Variants in SDHC observed in about 807,000 individuals in gnomAD.
The protein encoded by SDHC is succinate dehydrogenase complex subunit C, also known as succinate dehydrogenase cytochrome b560 subunit, mitochondrial.
Under a neutral mutation model 22.6 loss-of-function variants are expected in SDHC, and 11 were observed. That is an observed-to-expected ratio of 0.49 (90% CI 0.31 to 0.81). SDHC has a LOEUF of 0.81. Ranked by LOEUF, SDHC falls within the 30% of genes least tolerant of loss-of-function variation. The pLI is 0.05. For synonymous variants in SDHC, 80 were observed against 77.8 expected, an observed-to-expected ratio of 1.03 and a Z score of -0.15; for missense variants, 160 against 212.0, an observed-to-expected ratio of 0.75 and a Z score of 1.52.
At chr1:161,358,469 T>G (rs535238381) in intron 5 of SDHC, among the ~76,000 whole-genome samples, 1 of 152,070 alleles carries the variant, frequency 6.6e-6, no homozygotes, top group East Asian at 1.9e-4. Context: ...CATCGTCTGC[T>G]CAAAACTGGT....
intron 3 of SDHC, among the ~76,000 whole-genome samples, chr1:161,334,237 A>G (rs910338347): frequency 6.6e-6 from 1 of 152,164 alleles, no homozygotes; most frequent in Non-Finnish European, 1.5e-5. Context: ...CAGCAATGCT[A>G]CATTGAGTTC....
intron 3 of SDHC, among the ~76,000 whole-genome samples, chr1:161,332,973 A>G (rs565066274): frequency 6.6e-6 from 1 of 152,232 alleles, no homozygotes; most frequent in South Asian, 2.1e-4. Context: ...GAAACACTAC[A>G]TTTCTTAGCC....
intron 5 of SDHC, 93 bp downstream of exon 5, chr1:161,356,933 T>C: frequency 1.9e-6 from 1 of 530,870 alleles, no homozygotes; most frequent in Non-Finnish European, 2.9e-6. Context: ...AGTGCTGTTC[T>C]TTTTTTTTTT....
In SDHC at chr1:161,338,229, C is replaced by G. The variant is rs573424363; in HGVS notation, c.180-2365C>G. Reference sequence around the variant, plus strand: ...CTCTTCTTCCACCTTTTATATTTCTCTTGTTAAATCTGAGTTGATCAGAGT... The same window carrying G: ...CTCTTCTTCCACCTTTTATATTTCTGTTGTTAAATCTGAGTTGATCAGAGT... On this transcript the variant is annotated intron_variant, in intron 3 of 5. Transcript: ENST00000367975. 1.3e-3 allele frequency among the ~76,000 whole-genome samples: 193 copies of G among 151,988 alleles called. 1 individual carries two copies. The highest frequency in any genetic ancestry group is 1.3e-3 in the Non-Finnish European group (86 of 67,972).
rs1670528449 is a variant in SDHC, at chr1:161,314,506, T to C, written c.20+81T>C. Reference sequence around the variant, plus strand: ...GCCCCTCACGTTTTGCTGATAACTGTTTATCCTGTGCCTGGGCAGGGAAAG... The same window carrying C: ...GCCCCTCACGTTTTGCTGATAACTGCTTATCCTGTGCCTGGGCAGGGAAAG... On this transcript the variant is annotated intron_variant, in intron 1 of 5. Transcript: ENST00000367975. 10 of 1,535,774 alleles carry C rather than the reference T, an allele frequency of 6.5e-6. No individual in the cohort carries two copies. The South Asian group carries it at 1.1e-4, about 17-fold the overall frequency.
intron 5 of SDHC, among the ~76,000 whole-genome samples, chr1:161,361,217 A>T (rs1029379293): frequency 6.6e-6 from 1 of 151,792 alleles, no homozygotes; most frequent in Non-Finnish European, 1.5e-5. Context: ...GAGAAAATAT[A>T]TGTTTTTTAA....
At chr1:161,348,931 C>T (rs887311873) in intron 4 of SDHC, among the ~76,000 whole-genome samples, 15 of 151,756 alleles carry the variant, frequency 9.9e-5, no homozygotes, top group African/African-American at 3.4e-4. Flanking sequence ...AATTTAGGTA[C>T]ATGCCTTGAG....
At chr1:161,335,168 G>T (rs754541424) in intron 3 of SDHC, among the ~76,000 whole-genome samples, 63 of 152,136 alleles carry the variant, frequency 4.1e-4, no homozygotes, top group Admixed American at 3.3e-4. Flanking sequence ...ATTTTTGGCA[G>T]GAATACCCCT....
intron 5 of SDHC, among the ~76,000 whole-genome samples, chr1:161,358,425 T>C (rs1344779325): frequency 1.3e-5 from 2 of 151,974 alleles, no homozygotes; most frequent in Admixed American, 6.6e-5. Flanking sequence ...ATTTAATAGA[T>C]TGGAAACTGT....
chr1:161,320,143 G>A (rs114930751), intron 1 of SDHC, among the ~76,000 whole-genome samples: 2,107 of 152,256 alleles, frequency 0.014, 33 homozygotes, highest in South Asian at 0.033. Context: ...AGTGAGAAAC[G>A]AAGAGGATAT....
chr1:161,356,789 T>C lies in SDHC; in HGVS notation c.354T>C (p.Phe118=), dbSNP rs61733156. ...CAGCACTGATCCACACAGCTAAGTTTGCACTTGTCTTCCCTCTCATGTATC... is the reference window on the plus strand; with the variant it reads ...CAGCACTGATCCACACAGCTAAGTTCGCACTTGTCTTCCCTCTCATGTATC... ...LGPALIHTAK[F]ALVFPLMYHT... is the part of the protein sequence containing the mutation. Residue 118 remains phenylalanine (F), a synonymous_variant, in exon 5 of 6, where the codon TTT becomes TTC. Coordinates refer to ENST00000367975, the MANE Select transcript of SDHC (RefSeq NM_003001.5). 7.4e-4 allele frequency: 1,190 copies of C among 1,614,176 alleles called. 8 individuals carry two copies. In the African/African-American group the frequency reaches 0.015, roughly 20 times the overall value.
At chr1:161,316,143 G>T (rs945133732) in intron 1 of SDHC, among the ~76,000 whole-genome samples, 5 of 151,930 alleles carry the variant, frequency 3.3e-5, no homozygotes, top group African/African-American at 1.2e-4. Context: ...ATTGCCCAGG[G>T]ATGATCAGGA....
intron 3 of SDHC, among the ~76,000 whole-genome samples, chr1:161,340,294 G>C (rs1444926822): frequency 1.4e-5 from 2 of 146,242 alleles, no homozygotes; most frequent in Non-Finnish European, 3.0e-5. Context: ...GTTCCGGGGG[G>C]GTAAAAAAAA....
chr1:161,341,082 C>T (rs548424155), intron 4 of SDHC, among the ~76,000 whole-genome samples: 5 of 152,220 alleles, frequency 3.3e-5, no homozygotes, highest in Admixed American at 1.3e-4. Context: ...CCTCATGATC[C>T]GCCTGCCTCA....
chr1:161,356,713 C>T lies in SDHC; in HGVS notation c.278C>T (p.Pro93Leu), dbSNP rs1672286365. Residue 93 changes from proline (P) to leucine (L), a missense_variant, in exon 5 of 6, where the codon CCT becomes CTT. By Grantham distance (98) the Pro-to-Leu change is moderately conservative. Coordinates refer to ENST00000367975, the MANE Select transcript of SDHC (RefSeq NM_003001.5). ...SLFGMSALLL[P>L]GNFESYLELV... is the part of the protein sequence containing the mutation. ...TTTGGCATGTCGGCCCTGTTACTCC[C>T]TGGGAACTTTGAGTCTTATTTGGAA... The T allele has an allele frequency of 6.2e-7, 1 of 1,613,922 alleles. No homozygotes were observed. The highest frequency in any genetic ancestry group is 8.5e-7 in the Non-Finnish European group (1 of 1,179,948).
chr1:161,314,469 A>G (rs7415671), intron 1 of SDHC, 44 bp downstream of exon 1: 2 of 1,606,586 alleles, frequency 1.2e-6, no homozygotes, highest in African/African-American at 1.3e-5. Context: ...GGCCCTCCGG[A>G]GATCTGAACT....
In SDHC at chr1:161,340,656, G is replaced by T. The variant is rs748440817; in HGVS notation, c.241+1G>T. 2 of 1,612,932 alleles carry T rather than the reference G, an allele frequency of 1.2e-6. No individual in the cohort carries two copies. ...GGCACTGGTATTGCTTTGAGTGCAG[G>T]TATGTATATGTGTTTTTACACACAC... On this transcript the variant is annotated splice_donor_variant, in intron 4 of 5. Coordinates refer to ENST00000367975, the MANE Select transcript of SDHC (RefSeq NM_003001.5). LOFTEE classifies it high-confidence loss of function.
At chr1:161,342,206 A>G (rs1476892764) in intron 4 of SDHC, among the ~76,000 whole-genome samples, 2 of 152,178 alleles carry the variant, frequency 1.3e-5, no homozygotes, top group Non-Finnish European at 2.9e-5. Context: ...GCATAGGTAA[A>G]TCTGAGTTTG....
chr1:161,342,760 G>C (rs2102340530), intron 4 of SDHC, among the ~76,000 whole-genome samples: 1 of 152,250 alleles, frequency 6.6e-6, no homozygotes. Context: ...CTCCCAAAGT[G>C]CTGGGGTTAC....
Sources: allele counts gnomAD v4.1 joint callset (sites outside exome capture counted in the v4.1 genomes callset), GRCh38; gene constraint gnomAD v4.1.1; transcripts MANE v1.5; gene names NCBI Gene and HGNC (gene_info 2026-07-23, HGNC 2026-07-21).